Variants in FAM135B observed in about 807,000 individuals in gnomAD.
FAM135B encodes protein FAM135B.
Under a neutral mutation model 127.7 loss-of-function variants are expected in FAM135B, and 43 were observed. That is an observed-to-expected ratio of 0.34 (90% CI 0.26 to 0.43). The LOEUF is 0.43. Among genes scored for constraint, FAM135B ranks in the 20% least tolerant of loss-of-function variants. The pLI, the probability that FAM135B is intolerant of heterozygous loss-of-function variation, is 1.00. For missense variants in FAM135B, 1,558 were observed against 1,725.6 expected, an observed-to-expected ratio of 0.90 and a Z score of 1.72; for synonymous variants, 670 against 665.1, an observed-to-expected ratio of 1.01 and a Z score of -0.11.
chr8:138,414,932 C>G (rs1260059687), intron 1 of FAM135B, among the ~76,000 whole-genome samples: 7 of 152,136 alleles, frequency 4.6e-5, no homozygotes, highest in African/African-American at 1.7e-4. Context: ...CTGAGTTCTC[C>G]AAGCACCAAA....
At chr8:138,354,975 A>G (rs1038770636) in intron 2 of FAM135B, among the ~76,000 whole-genome samples, 2 of 152,026 alleles carry the variant, frequency 1.3e-5, no homozygotes, top group Non-Finnish European at 2.9e-5. Context: ...CTCGTCATTT[A>G]CATTAGGTAT....
At chr8:138,489,078 CAGTT>C (rs1313881503) in intron 1 of FAM135B, among the ~76,000 whole-genome samples, 1 of 152,186 alleles carries the variant, frequency 6.6e-6, no homozygotes, top group Non-Finnish European at 1.5e-5. Context: ...CCCAGGTTCT[CAGTT>C]ATCATCTACG....
chr8:138,277,772 T>G (rs978391200), intron 3 of FAM135B, among the ~76,000 whole-genome samples: 12 of 152,262 alleles, frequency 7.9e-5, no homozygotes, highest in African/African-American at 2.9e-4. Context: ...CACCTCTGGA[T>G]CATATGCATT....
chr8:138,405,002 C>A (rs1833373613), intron 1 of FAM135B, among the ~76,000 whole-genome samples: 1 of 152,084 alleles, frequency 6.6e-6, no homozygotes, highest in South Asian at 2.1e-4. Context: ...ATTTACTTTT[C>A]CCAAATCCAG....
At position 138,426,026 on chromosome 8, in the gene FAM135B, T is replaced by C. The variant is rs1225523198; in HGVS notation, c.-19-58024A>G. Among the ~76,000 whole-genome samples the C allele has an allele frequency of 4.4e-3, 181 of 41,222 alleles. 4 individuals are homozygous for C. The highest frequency in any genetic ancestry group is 0.02 in the African/African-American group (156 of 7,946). 27.0% of individuals were successfully genotyped at this position (41,222 alleles called of 152,430 possible). A position where few individuals can be genotyped will look rare whatever the true frequency, so the allele number is the denominator to read the frequency against. On this transcript the variant is annotated intron_variant, in intron 1 of 19. Transcript: ENST00000395297. ...ATATATATATATACACACACATACATATACACACACACACACACACACACA... is the reference window on the plus strand; with the variant it reads ...ATATATATATATACACACACATACACATACACACACACACACACACACACA...
At chr8:138,201,665 A>T (rs1404642466) in intron 7 of FAM135B, among the ~76,000 whole-genome samples, 1 of 152,164 alleles carries the variant, frequency 6.6e-6, no homozygotes, top group African/African-American at 2.4e-5. Flanking sequence ...CATTTTCCCT[A>T]GCACAAAGCA....
intron 2 of FAM135B, among the ~76,000 whole-genome samples, chr8:138,327,862 A>G (rs950035669): frequency 2.0e-5 from 3 of 152,202 alleles, no homozygotes; most frequent in African/African-American, 7.2e-5. Context: ...ACAGGAGTTG[A>G]TTTAAGGAAG....
intron 3 of FAM135B, among the ~76,000 whole-genome samples, chr8:138,277,808 A>G (rs1222462324): frequency 6.6e-6 from 1 of 152,244 alleles, no homozygotes; most frequent in Admixed American, 6.5e-5. Context: ...CTCGGCAGGC[A>G]GAAGATGCTG....
At chr8:138,493,377 T>C (rs551799875) in intron 1 of FAM135B, among the ~76,000 whole-genome samples, 1 of 152,260 alleles carries the variant, frequency 6.6e-6, no homozygotes, top group African/African-American at 2.4e-5. Context: ...GTTCTTCTTC[T>C]CTTGTAGAAC....
At chr8:138,347,536 G>A (rs1226665748) in intron 2 of FAM135B, among the ~76,000 whole-genome samples, 2 of 152,174 alleles carry the variant, frequency 1.3e-5, no homozygotes, top group Non-Finnish European at 2.9e-5. Flanking sequence ...CAAAAGGAAT[G>A]GTGCCCAGTC....
chr8:138,205,728 G>T (rs968426893), intron 7 of FAM135B, among the ~76,000 whole-genome samples: 1 of 152,012 alleles, frequency 6.6e-6, no homozygotes, highest in African/African-American at 2.4e-5. Context: ...ATTCAAAAAT[G>T]ACTTTTTCTA....
intron 3 of FAM135B, among the ~76,000 whole-genome samples, chr8:138,287,359 C>T (rs558444489): frequency 3.3e-5 from 5 of 151,930 alleles, no homozygotes; most frequent in African/African-American, 7.2e-5. Flanking sequence ...ATATTTTACC[C>T]TTCTTGATTG....
At chr8:138,324,183 A>T (rs1317234293) in intron 2 of FAM135B, among the ~76,000 whole-genome samples, 1 of 152,204 alleles carries the variant, frequency 6.6e-6, no homozygotes, top group Non-Finnish European at 1.5e-5. Context: ...CCACATTACG[A>T]GAGATCACAT....
Position 138,337,513 on chromosome 8 carries a change from T to C in FAM135B, c.78-26593A>G, listed in dbSNP as rs988131506. 4.0e-3 allele frequency among the ~76,000 whole-genome samples: 614 copies of C among 151,676 alleles called. 7 individuals are homozygous for C. The highest frequency in any genetic ancestry group is 0.014 in the African/African-American group (594 of 41,434). On this transcript the variant is annotated intron_variant, in intron 2 of 19. Transcript: ENST00000395297. ...TGAGTGAACTCCCATTCACAATTGC[T>C]TCAAAGAGAATAAAATACCCAGGAA...
rs868137412 is a variant in FAM135B, at chr8:138,206,429, A to G, written c.670-8760T>C. On this transcript the variant is annotated intron_variant, in intron 7 of 19. Transcript: ENST00000395297. ...TCTATCGTCCCCTCCACCTACACACAGCTCTATCATCCCCTCCATCTACAC... is the reference window on the plus strand; with the variant it reads ...TCTATCGTCCCCTCCACCTACACACGGCTCTATCATCCCCTCCATCTACAC... Among the ~76,000 whole-genome samples, 701 of 148,532 alleles carry G rather than the reference A, an allele frequency of 4.7e-3. 1 individual carries two copies. Among genetic ancestry groups the G allele is most frequent in the African/African-American group, 0.016 (645 of 39,144 alleles).
chr8:138,472,416 G>A (rs528621875), intron 1 of FAM135B, among the ~76,000 whole-genome samples: 1 of 152,252 alleles, frequency 6.6e-6, no homozygotes, highest in East Asian at 1.9e-4. Context: ...ACATACAAAT[G>A]AAGTGGTATG....
intron 3 of FAM135B, among the ~76,000 whole-genome samples, chr8:138,297,952 G>A (rs1563869932): frequency 6.6e-6 from 1 of 152,092 alleles, no homozygotes; most frequent in African/African-American, 2.4e-5. Context: ...CCAACACCAC[G>A]GGCACAGAAG....
chr8:138,349,196 C>A (rs1260252675), intron 2 of FAM135B, among the ~76,000 whole-genome samples: 1 of 152,230 alleles, frequency 6.6e-6, no homozygotes, highest in African/African-American at 2.4e-5. Flanking sequence ...AAAGGATGTA[C>A]CTCTGTGCCT....
At position 138,243,950 on chromosome 8, in the gene FAM135B, G is replaced by A. The variant is rs574588175; in HGVS notation, c.543-882C>T. Among the ~76,000 whole-genome samples the A allele has an allele frequency of 2.0e-4, 31 of 152,206 alleles. No individual in the cohort carries two copies. The South Asian group carries it at 4.8e-3, about 24-fold the overall frequency. On this transcript the variant is annotated intron_variant, in intron 6 of 19. Coordinates refer to ENST00000395297, the MANE Select transcript of FAM135B (RefSeq NM_015912.4). This position sits in a 1 kb window ranked among gnomAD's most constrained non-coding sequence, Gnocchi z 7.5. ...AATTTAAAGTCTCTGATGGCAAAGA[G>A]GGTCTTGACAATAAATAGCCCCAGG... is the stretch of plus-strand genomic sequence containing the variant.
Sources: gnomAD v4.1 joint callset for allele counts (sites outside exome capture counted in the v4.1 genomes callset) on GRCh38, gnomAD v4.1.1 for gene constraint, Gnocchi (gnomAD v3.1) non-coding constraint, MANE v1.5 for transcripts, NCBI Gene and HGNC (gene_info 2026-07-23, HGNC 2026-07-21) for gene names.